TOP6BL: variants seen among roughly 807,000 people sequenced by gnomAD.
TOP6BL encodes the protein type 2 DNA topoisomerase 6 subunit B-like.
chr11:66,826,765 C>G, the TOP6BL span, among the ~76,000 whole-genome samples: 1 of 151,990 alleles, frequency 6.6e-6, no homozygotes, highest in African/African-American at 2.4e-5. Flanking sequence ...TCACTGCAAC[C>G]TCCGCCTCCC....
chr11:66,804,686 C>T, the TOP6BL span, among the ~76,000 whole-genome samples: 2 of 152,110 alleles, frequency 1.3e-5, no homozygotes, highest in Non-Finnish European at 2.9e-5. Flanking sequence ...ACCTGTAATC[C>T]CAGCACTTTG....
chr11:66,832,632 C>A, the TOP6BL span, among the ~76,000 whole-genome samples: 1 of 152,254 alleles, frequency 6.6e-6, no homozygotes, highest in African/African-American at 2.4e-5. Flanking sequence ...CTGGCTGTGC[C>A]TTCTACGATG....
the TOP6BL span, among the ~76,000 whole-genome samples, chr11:66,787,669 G>A: frequency 1.5e-4 from 23 of 149,640 alleles, no homozygotes; most frequent in East Asian, 2.0e-3. Context: ...GCAGCGAGCC[G>A]AGATAGCGCC....
the TOP6BL span, among the ~76,000 whole-genome samples, chr11:66,746,945 T>C: frequency 6.6e-6 from 1 of 152,076 alleles, no homozygotes; most frequent in African/African-American, 2.4e-5. Context: ...ATGTGTTTTT[T>C]TTTTTCTTTT....
the TOP6BL span, among the ~76,000 whole-genome samples, chr11:66,833,776 C>T: frequency 3.9e-5 from 6 of 151,950 alleles, no homozygotes; most frequent in East Asian, 3.9e-4. Context: ...GGCAAAATTC[C>T]GTCTCTACTA....
the TOP6BL span, among the ~76,000 whole-genome samples, chr11:66,783,660 A>G: frequency 6.6e-6 from 1 of 152,096 alleles, no homozygotes; most frequent in Non-Finnish European, 1.5e-5. Context: ...AAAACTGTTC[A>G]GATAGCACTT....
chr11:66,792,150 C>G, the TOP6BL span, among the ~76,000 whole-genome samples: 1 of 152,084 alleles, frequency 6.6e-6, no homozygotes, highest in Non-Finnish European at 1.5e-5. Flanking sequence ...TTAAAAGGGT[C>G]CTCTAACCCC....
chr11:66,801,111 G>A, the TOP6BL span: 202 of 1,609,770 alleles, frequency 1.3e-4, 1 homozygote, highest in South Asian at 1.7e-3. Flanking sequence ...AGGTGAAGGC[G>A]TAAAGCCTTG....
the TOP6BL span, among the ~76,000 whole-genome samples, chr11:66,810,711 C>A: frequency 6.6e-6 from 1 of 152,180 alleles, no homozygotes; most frequent in African/African-American, 2.4e-5. Context: ...AGGTATTTAA[C>A]CCTTTATCTG....
the TOP6BL span, among the ~76,000 whole-genome samples, chr11:66,778,416 C>T: frequency 3.9e-5 from 6 of 152,010 alleles, no homozygotes; most frequent in African/African-American, 9.6e-5. Context: ...CAGTGAGCTG[C>T]GATCACAGCA....
chr11:66,798,734 A>C, the TOP6BL span, among the ~76,000 whole-genome samples: 1 of 152,118 alleles, frequency 6.6e-6, no homozygotes, highest in Non-Finnish European at 1.5e-5. Context: ...TAGAATTTAA[A>C]CACAGGCAAG....
chr11:66,815,903 A>C, the TOP6BL span: 6 of 653,622 alleles, frequency 9.2e-6, no homozygotes, highest in Non-Finnish European at 1.5e-5. Context: ...TCATGTGGAT[A>C]GAGAAACAGG....
chr11:66,816,722 T>C, the TOP6BL span, among the ~76,000 whole-genome samples: 2 of 152,308 alleles, frequency 1.3e-5, no homozygotes, highest in African/African-American at 2.4e-5. Flanking sequence ...CCAGTGCACC[T>C]GGATAACTTT....
At chr11:66,788,137 T>C in the TOP6BL span, 1 of 1,541,214 alleles carries the variant, frequency 6.5e-7, no homozygotes, top group South Asian at 1.1e-5. Flanking sequence ...TGTTTGACTT[T>C]GTTGCCATTT....
chr11:66,822,606 T>G, the TOP6BL span: 4 of 1,553,170 alleles, frequency 2.6e-6, no homozygotes, highest in Non-Finnish European at 3.5e-6. Flanking sequence ...GGCTGTGAAC[T>G]CCATCATGAG....
the TOP6BL span, among the ~76,000 whole-genome samples, chr11:66,833,275 C>T: frequency 1.3e-5 from 2 of 152,004 alleles, no homozygotes; most frequent in Non-Finnish European, 2.9e-5. Context: ...TCTCGAACTC[C>T]TAGCCTTAGG....
chr11:66,792,139 C>T, the TOP6BL span, among the ~76,000 whole-genome samples: 4 of 152,072 alleles, frequency 2.6e-5, no homozygotes, highest in African/African-American at 9.7e-5. Context: ...ATGAGTAGAT[C>T]TTAAAAGGGT....
the TOP6BL span, chr11:66,800,681 C>G: frequency 1.2e-6 from 2 of 1,605,506 alleles, no homozygotes; most frequent in South Asian, 1.1e-5. Context: ...GGAATCCTCT[C>G]CACAGAGATC....
the TOP6BL span, among the ~76,000 whole-genome samples, chr11:66,795,237 AT>A: frequency 6.6e-6 from 1 of 151,954 alleles, no homozygotes; most frequent in African/African-American, 2.4e-5. Context: ...CACTTGTCAC[AT>A]AGTAGGTATT....
Sources: gnomAD v4.1 joint callset for allele counts (sites outside exome capture counted in the v4.1 genomes callset) on GRCh38, gnomAD v4.1.1 for gene constraint, MANE v1.5 for transcripts, NCBI Gene and HGNC (gene_info 2026-07-23, HGNC 2026-07-21) for gene names.